Variants in ANO4 observed in about 807,000 individuals in gnomAD.
ANO4 encodes anoctamin-4.
Under a neutral mutation model 141.9 loss-of-function variants are expected in ANO4, and 69 were observed. The observed-to-expected ratio is 0.49, with a 90% CI of 0.40 to 0.59. The LOEUF is 0.59. ANO4 is among the 20% of genes least tolerant of loss of function. The probability of loss-of-function intolerance (pLI) is 0.00; values close to 1 mark genes in which losing one functional copy is unlikely to be tolerated. For synonymous variants in ANO4, 350 were observed against 394.3 expected (o/e 0.89, Z 1.33); for missense variants, 894 against 1,162.2 (o/e 0.77, Z 3.36).
chr12:101,000,258 C>T (rs1034193956), intron 8 of ANO4, among the ~76,000 whole-genome samples: 15 of 152,164 alleles, frequency 9.9e-5, no homozygotes, highest in Admixed American at 6.5e-5. Flanking sequence ...CTGACCTGAA[C>T]TGGAATTGCT....
In ANO4 at chr12:100,939,315, T is replaced by G. The variant is rs1357203401; in HGVS notation, c.161T>G (p.Met54Arg). Residue 54 changes from methionine (M) to arginine (R), a missense_variant and splice_region_variant, in exon 4 of 28, where the codon ATG (methionine) becomes AGG (arginine). By Grantham distance (91) the Met-to-Arg change is moderately conservative. Coordinates refer to ENST00000392977, the MANE Select transcript of ANO4 (RefSeq NM_001286615.2). ...FSEILNAIQE[M>R]AKDVNILFDE... Reference sequence around the variant, plus strand: ...TATAATGTATTTACTTTGGTTCTAGTGGCCAAGGATGTCAATATTCTTTTT... The same window carrying G: ...TATAATGTATTTACTTTGGTTCTAGGGGCCAAGGATGTCAATATTCTTTTT... 1 of 1,611,992 alleles carries G rather than the reference T, an allele frequency of 6.2e-7. No individual in the cohort carries two copies. The highest frequency in any genetic ancestry group is 8.5e-7 in the Non-Finnish European group (1 of 1,178,672).
intron 1 of ANO4, among the ~76,000 whole-genome samples, chr12:100,859,469 T>C (rs1185971848): frequency 6.6e-6 from 1 of 152,112 alleles, no homozygotes; most frequent in Non-Finnish European, 1.5e-5. Context: ...TGGGGAGTAA[T>C]GTTATGGTGG....
intron 1 of ANO4, among the ~76,000 whole-genome samples, chr12:100,884,997 G>A (rs891922194): frequency 3.3e-5 from 5 of 152,132 alleles, no homozygotes; most frequent in Admixed American, 2.0e-4. Flanking sequence ...ACCCAGCCTC[G>A]GTGCCTTTTC....
intron 5 of ANO4, among the ~76,000 whole-genome samples, chr12:100,953,114 T>C (rs903414923): frequency 6.6e-6 from 1 of 152,232 alleles, no homozygotes; most frequent in African/African-American, 2.4e-5. Context: ...TAAAGCACGT[T>C]TTGCATAATC....
At position 100,984,061 on chromosome 12, in the gene ANO4, C is replaced by G. The variant is rs543900237; in HGVS notation, c.603-3478C>G. On this transcript the variant is annotated intron_variant, in intron 7 of 27. Transcript: ENST00000392977. ...GCTCCTCAGTGAAGGCCAGTTCACACCCTCCAGCCCCCATGCCCAACCAGT... is the reference window on the plus strand; with the variant it reads ...GCTCCTCAGTGAAGGCCAGTTCACAGCCTCCAGCCCCCATGCCCAACCAGT... 9.2e-5 allele frequency among the ~76,000 whole-genome samples: 14 copies of G among 152,196 alleles called. No individual in the cohort carries two copies. In the South Asian group the frequency reaches 2.9e-3, roughly 32 times the overall value.
chr12:101,077,290 C>CTCCCTACTT (rs2049060358), intron 14 of ANO4, among the ~76,000 whole-genome samples: 1 of 152,180 alleles, frequency 6.6e-6, no homozygotes, highest in Admixed American at 6.5e-5. Context: ...GAAGCTTGTC[C>CTCCCTACTT]TGTTTCCTCC....
chr12:100,732,000 G>T (rs970105580), intron 1 of ANO4, among the ~76,000 whole-genome samples: 2 of 152,138 alleles, frequency 1.3e-5, no homozygotes, highest in African/African-American at 4.8e-5. Context: ...GGACATCTTG[G>T]TTACTTCCAA....
intron 27 of ANO4, 82 bp downstream of exon 27, chr12:101,127,156 T>C: frequency 7.6e-7 from 1 of 1,318,940 alleles, no homozygotes; most frequent in Admixed American, 2.4e-5. Context: ...AAGCTTACCA[T>C]TGTTGCAGTA....
intron 25 of ANO4, 109 bp downstream of exon 25, chr12:101,116,907 C>A: frequency 7.0e-7 from 1 of 1,430,410 alleles, no homozygotes; most frequent in Non-Finnish European, 9.7e-7. Context: ...CAGTGACTGT[C>A]AATCTCAACA....
At chr12:100,785,438 T>G (rs1218088294) in intron 3 of ANO4, among the ~76,000 whole-genome samples, 1 of 152,206 alleles carries the variant, frequency 6.6e-6, no homozygotes, top group African/African-American at 2.4e-5. Context: ...ACCATTGATA[T>G]TTTTACTGTT....
intron 2 of ANO4, among the ~76,000 whole-genome samples, chr12:100,915,023 A>G (rs2041272885): frequency 6.6e-6 from 1 of 151,878 alleles, no homozygotes; most frequent in Admixed American, 6.6e-5. Flanking sequence ...GTCTTGCTAT[A>G]TTGCTCAGGT....
intron 3 of ANO4, among the ~76,000 whole-genome samples, chr12:100,926,016 A>G (rs919699647): frequency 1.3e-5 from 2 of 152,076 alleles, no homozygotes; most frequent in African/African-American, 2.4e-5. Flanking sequence ...GTAATAATAG[A>G]TAAGATTTTC....
chr12:100,912,981 T>C (rs2041181567), intron 2 of ANO4, among the ~76,000 whole-genome samples: 1 of 152,204 alleles, frequency 6.6e-6, no homozygotes, highest in Non-Finnish European at 1.5e-5. Context: ...GATGTGAGTT[T>C]AGTCAATAGG....
chr12:100,805,784 C>CT (rs553922388), intron 1 of ANO4, among the ~76,000 whole-genome samples: 8 of 151,204 alleles, frequency 5.3e-5, no homozygotes, highest in East Asian at 1.9e-4. Flanking sequence ...AGGGATCTCA[C>CT]TTTTTTTTTA....
chr12:100,876,641 A>G (rs1047249262), intron 1 of ANO4, among the ~76,000 whole-genome samples: 1 of 152,204 alleles, frequency 6.6e-6, no homozygotes, highest in Admixed American at 6.5e-5. Context: ...GCTGGCTGTA[A>G]GAATAGTCAT....
chr12:101,121,107 G>A (rs2051071827), intron 26 of ANO4, among the ~76,000 whole-genome samples: 2 of 152,040 alleles, frequency 1.3e-5, no homozygotes, highest in Non-Finnish European at 1.5e-5. Flanking sequence ...GTGGGTACAT[G>A]TGCAAGTTTG....
At chr12:100,729,434 A>G (rs936182167) in intron 1 of ANO4, among the ~76,000 whole-genome samples, 1 of 148,428 alleles carries the variant, frequency 6.7e-6, no homozygotes, top group Non-Finnish European at 1.5e-5. Flanking sequence ...GTCCTGTTAT[A>G]TAAATACTTT....
chr12:100,998,733 C>A (rs2045504871), intron 8 of ANO4, among the ~76,000 whole-genome samples: 1 of 152,204 alleles, frequency 6.6e-6, no homozygotes, highest in African/African-American at 2.4e-5. Context: ...AGAAAGCTCT[C>A]TCACACTAGC....
At chr12:100,971,861 A>C (rs2043949563) in intron 6 of ANO4, among the ~76,000 whole-genome samples, 1 of 152,082 alleles carries the variant, frequency 6.6e-6, no homozygotes, top group South Asian at 2.1e-4. Flanking sequence ...TTTTTAAAAA[A>C]AAAACAAAAA....
Sources: allele counts gnomAD v4.1 joint callset (sites outside exome capture counted in the v4.1 genomes callset), GRCh38; gene constraint gnomAD v4.1.1; transcripts MANE v1.5; gene names NCBI Gene and HGNC (gene_info 2026-07-23, HGNC 2026-07-21).